Variants in EXT1 observed in about 807,000 individuals in gnomAD.
The protein encoded by EXT1 is exostosin glycosyltransferase 1.
In EXT1, 20 loss-of-function variants were observed where a neutral mutation model predicts 82.5. The ratio of observed to expected loss-of-function variants is 0.24; its 90% CI spans 0.17 to 0.35. The LOEUF (loss-of-function observed/expected upper bound fraction) is 0.35, where lower values mean the gene tolerates loss of function less well. EXT1 is among the 10% of genes least tolerant of loss of function. EXT1 has a pLI of 1.00. For synonymous variants in EXT1, 348 were observed against 350.8 expected (o/e 0.99, Z 0.09); for missense variants, 757 against 936.5 (o/e 0.81, Z 2.50).
At chr8:118,010,228 C>T (rs555646306) in intron 1 of EXT1, among the ~76,000 whole-genome samples, 11 of 151,688 alleles carry the variant, frequency 7.3e-5, no homozygotes, top group African/African-American at 2.7e-4. Flanking sequence ...AAAAATTAGC[C>T]GGGCGTGGTG....
intron 7 of EXT1, among the ~76,000 whole-genome samples, chr8:117,816,465 G>A (rs370849115): frequency 5.3e-5 from 8 of 152,204 alleles, no homozygotes; most frequent in South Asian, 4.1e-4. Context: ...AAGTGCAAAC[G>A]CTTCACTCTG....
chr8:117,932,769 G>A (rs1411807629), intron 1 of EXT1, among the ~76,000 whole-genome samples: 1 of 152,176 alleles, frequency 6.6e-6, no homozygotes, highest in East Asian at 1.9e-4. Flanking sequence ...ATACTTTTAT[G>A]ACTGTTCTTA....
intron 1 of EXT1, among the ~76,000 whole-genome samples, chr8:117,879,678 A>G (rs1331233543): frequency 1.3e-5 from 2 of 152,202 alleles, no homozygotes; most frequent in African/African-American, 4.8e-5. Context: ...CAAAAGAGTG[A>G]CCAAGCAACT....
intron 1 of EXT1, among the ~76,000 whole-genome samples, chr8:118,069,522 A>C (rs1817049889): frequency 6.6e-6 from 1 of 152,120 alleles, no homozygotes; most frequent in Non-Finnish European, 1.5e-5. Context: ...CAAAAATTAC[A>C]CTTTGGCAAA....
chr8:117,906,020 A>C (rs1468037399), intron 1 of EXT1, among the ~76,000 whole-genome samples: 1 of 152,110 alleles, frequency 6.6e-6, no homozygotes, highest in Non-Finnish European at 1.5e-5. Flanking sequence ...TAAAAAGGCT[A>C]CACTTCCTGC....
intron 1 of EXT1, among the ~76,000 whole-genome samples, chr8:118,018,741 G>A (rs1014904828): frequency 6.6e-6 from 1 of 152,168 alleles, no homozygotes; most frequent in African/African-American, 2.4e-5. Context: ...GTGGGTGCAT[G>A]AGGTTAATCA....
chr8:118,061,467 G>T (rs1037463031), intron 1 of EXT1, among the ~76,000 whole-genome samples: 3 of 152,156 alleles, frequency 2.0e-5, no homozygotes, highest in African/African-American at 4.8e-5. Context: ...TCATAAAATT[G>T]TCTCTCTCTG....
At chr8:117,936,887 A>C (rs1484353150) in intron 1 of EXT1, among the ~76,000 whole-genome samples, 1 of 151,966 alleles carries the variant, frequency 6.6e-6, no homozygotes, top group African/African-American at 2.4e-5. Context: ...AAAATAAATA[A>C]ATAAACAAAC....
At chr8:117,999,129 ATAGGATTATT>A (rs779569125) in intron 1 of EXT1, among the ~76,000 whole-genome samples, 35 of 152,226 alleles carry the variant, frequency 2.3e-4, no homozygotes, top group Non-Finnish European at 4.6e-4. Context: ...TTAGTGCTTT[ATAGGATTATT>A]TAGAAATAAT....
intron 1 of EXT1, among the ~76,000 whole-genome samples, chr8:117,841,870 A>T (rs1390066289): frequency 6.6e-6 from 1 of 152,194 alleles, no homozygotes; most frequent in Admixed American, 6.5e-5. Flanking sequence ...TGTAGGAAAC[A>T]CATTTTTGCT....
chr8:117,800,722 C>T (rs182027857), intron 10 of EXT1, among the ~76,000 whole-genome samples: 1 of 152,330 alleles, frequency 6.6e-6, no homozygotes, highest in African/African-American at 2.4e-5. Flanking sequence ...AATCACTGCT[C>T]ACCCAGAATA....
At chr8:117,823,022 G>A (rs993369126) in intron 4 of EXT1, among the ~76,000 whole-genome samples, 7 of 152,076 alleles carry the variant, frequency 4.6e-5, no homozygotes, top group Admixed American at 3.3e-4. Flanking sequence ...GATGCTAAAC[G>A]GAAAGCATAT....
chr8:117,920,521 G>A (rs896653098), intron 1 of EXT1, among the ~76,000 whole-genome samples: 61 of 152,132 alleles, frequency 4.0e-4, no homozygotes, highest in African/African-American at 1.3e-3. Context: ...TCCTAAGCAC[G>A]GGCAACATTT....
intron 8 of EXT1, among the ~76,000 whole-genome samples, chr8:117,808,585 G>T (rs577423313): frequency 6.6e-6 from 1 of 152,098 alleles, no homozygotes; most frequent in Non-Finnish European, 1.5e-5. Flanking sequence ...ATCTCTTCTG[G>T]ATAAGCAATA....
chr8:117,838,355 A>G (rs1167686627), intron 1 of EXT1, among the ~76,000 whole-genome samples: 3 of 152,142 alleles, frequency 2.0e-5, no homozygotes, highest in African/African-American at 7.2e-5. Context: ...ATACATTTAT[A>G]TTTTTAAAGT....
intron 4 of EXT1, among the ~76,000 whole-genome samples, chr8:117,829,343 A>G (rs189612186): frequency 3.9e-4 from 59 of 151,962 alleles, no homozygotes; most frequent in African/African-American, 1.4e-3. Context: ...CCATCTGCCT[A>G]AAAGATTTTC....
intron 1 of EXT1, among the ~76,000 whole-genome samples, chr8:117,977,545 T>C (rs1198344461): frequency 6.6e-6 from 1 of 152,126 alleles, no homozygotes; most frequent in Non-Finnish European, 1.5e-5. Context: ...GTAAAGATGA[T>C]GTGGGGCTCA....
chr8:118,097,321 T>C (rs1159738424), intron 1 of EXT1, among the ~76,000 whole-genome samples: 2 of 151,940 alleles, frequency 1.3e-5, no homozygotes, highest in African/African-American at 4.8e-5. Flanking sequence ...GTGGTACATA[T>C]CTGTAATTCC....
intron 9 of EXT1, among the ~76,000 whole-genome samples, chr8:117,806,151 C>G (rs1448851791): frequency 6.6e-6 from 1 of 152,174 alleles, no homozygotes; most frequent in African/African-American, 2.4e-5. Context: ...TCCCAGGATC[C>G]CACCATCTCT....
Sources: allele counts gnomAD v4.1 joint callset (sites outside exome capture counted in the v4.1 genomes callset), GRCh38; gene constraint gnomAD v4.1.1; transcripts MANE v1.5; gene names NCBI Gene and HGNC (gene_info 2026-07-23, HGNC 2026-07-21).